Variants in PELI2 observed in about 807,000 individuals in gnomAD.
The protein encoded by PELI2 is E3 ubiquitin-protein ligase pellino homolog 2.
In PELI2, 23 loss-of-function variants were observed where a neutral mutation model predicts 42.3. The observed-to-expected ratio is 0.54, with a 90% CI of 0.39 to 0.77. The LOEUF (loss-of-function observed/expected upper bound fraction) is 0.77. PELI2 is among the 30% of genes least tolerant of loss of function. The pLI is 0.00. For synonymous variants in PELI2, 245 were observed against 212.2 expected (o/e 1.15, Z -1.34); for missense variants, 463 against 553.2 (o/e 0.84, Z 1.64).
intron 2 of PELI2, among the ~76,000 whole-genome samples, chr14:56,271,400 C>T (rs2139855741): frequency 6.6e-6 from 1 of 152,266 alleles, no homozygotes; most frequent in East Asian, 1.9e-4. Flanking sequence ...CAGCAATACA[C>T]CTTGACATAG....
chr14:56,199,629 G>T (rs775389333), intron 2 of PELI2, among the ~76,000 whole-genome samples: 8 of 152,158 alleles, frequency 5.3e-5, no homozygotes, highest in Non-Finnish European at 8.8e-5. Flanking sequence ...AAAACCCCCT[G>T]ATAATTCAGT....
At chr14:56,231,587 T>G (rs1379277592) in intron 2 of PELI2, among the ~76,000 whole-genome samples, 2 of 152,202 alleles carry the variant, frequency 1.3e-5, no homozygotes, top group African/African-American at 4.8e-5. Context: ...CATACCAGAA[T>G]CTCTGGGACA....
At chr14:56,207,602 A>G (rs1158182778) in intron 2 of PELI2, among the ~76,000 whole-genome samples, 1 of 152,220 alleles carries the variant, frequency 6.6e-6, no homozygotes, top group East Asian at 1.9e-4. Flanking sequence ...ATAAAGCACA[A>G]TTCAGCTTTA....
intron 2 of PELI2, among the ~76,000 whole-genome samples, chr14:56,252,413 T>A (rs2139817302): frequency 6.6e-6 from 1 of 152,294 alleles, no homozygotes; most frequent in Middle Eastern, 3.4e-3. Flanking sequence ...TTGAAAGAAG[T>A]CTTAGAAAAT....
intron 2 of PELI2, among the ~76,000 whole-genome samples, chr14:56,244,835 TAGAC>T (rs1888095753): frequency 6.6e-6 from 1 of 152,254 alleles, no homozygotes; most frequent in Non-Finnish European, 1.5e-5. Context: ...TCAGTTGGCT[TAGAC>T]AGATGGCATA....
In PELI2 at chr14:56,288,879, G is replaced by A. The variant is rs1400269572; in HGVS notation, c.507+245G>A. On this transcript the variant is annotated intron_variant, in intron 4 of 5. Coordinates refer to ENST00000267460, the MANE Select transcript of PELI2 (RefSeq NM_021255.3). The surrounding 1 kb of genome is among the most constrained non-coding windows in gnomAD (Gnocchi z 4.6). ...ACAGTAAGTACTTTTTTTAAAGTATGCCTATAACATTGTCCATAATGTATT... is the reference window on the plus strand; with the variant it reads ...ACAGTAAGTACTTTTTTTAAAGTATACCTATAACATTGTCCATAATGTATT... 6.6e-6 allele frequency among the ~76,000 whole-genome samples: 1 copy of A among 152,038 alleles called. No homozygotes were observed.
chr14:56,171,362 A>G (rs904023409), intron 1 of PELI2, among the ~76,000 whole-genome samples: 3 of 152,224 alleles, frequency 2.0e-5, no homozygotes, highest in African/African-American at 7.2e-5. Flanking sequence ...GGGATGAAAC[A>G]TCTAGGGAGG....
At chr14:56,119,731 G>C (rs1177453278) in intron 1 of PELI2, 2 of 970,914 alleles carry the variant, frequency 2.1e-6, no homozygotes, top group South Asian at 4.8e-5. Context: ...AGGAAACTGG[G>C]GGGAAGGAAC....
chr14:56,120,632 G>C (rs1363820306), intron 1 of PELI2, among the ~76,000 whole-genome samples: 1 of 152,208 alleles, frequency 6.6e-6, no homozygotes, highest in Non-Finnish European at 1.5e-5. Flanking sequence ...CTGTGCCTGT[G>C]CTGTTTAGGC....
intron 1 of PELI2, among the ~76,000 whole-genome samples, chr14:56,154,671 C>T (rs932119991): frequency 1.3e-5 from 2 of 152,202 alleles, no homozygotes; most frequent in African/African-American, 4.8e-5. Context: ...TACAGACATT[C>T]ATGTTTACAT....
chr14:56,173,395 G>GT (rs201767242), intron 1 of PELI2, among the ~76,000 whole-genome samples: 101 of 147,346 alleles, frequency 6.9e-4, no homozygotes, highest in South Asian at 1.3e-3. Flanking sequence ...TTTTTGTAAG[G>GT]TTTTTTTTTT....
intron 2 of PELI2, among the ~76,000 whole-genome samples, chr14:56,194,927 A>C (rs140527247): frequency 0.012 from 1,897 of 152,304 alleles, 30 homozygotes; most frequent in African/African-American, 0.04. Context: ...GATGCTTTGG[A>C]TTCAAGAGCC....
intron 5 of PELI2, among the ~76,000 whole-genome samples, chr14:56,290,671 A>G (rs1889800417): frequency 6.6e-6 from 1 of 152,112 alleles, no homozygotes; most frequent in Non-Finnish European, 1.5e-5. Flanking sequence ...GTGGGAGTAA[A>G]TTGTGTTTTG....
chr14:56,222,326 A>G (rs1205080083), intron 2 of PELI2, among the ~76,000 whole-genome samples: 1 of 152,210 alleles, frequency 6.6e-6, no homozygotes, highest in Non-Finnish European at 1.5e-5. Context: ...AAGTGGGAAC[A>G]ACTTAGTTCC....
At chr14:56,220,947 C>G (rs974429349) in intron 2 of PELI2, among the ~76,000 whole-genome samples, 1 of 152,332 alleles carries the variant, frequency 6.6e-6, no homozygotes, top group East Asian at 1.9e-4. Context: ...TCTGTCCTTT[C>G]AGCAGTGCTG....
At chr14:56,181,745 C>G (rs150261194) in intron 2 of PELI2, among the ~76,000 whole-genome samples, 3 of 152,002 alleles carry the variant, frequency 2.0e-5, no homozygotes, top group Non-Finnish European at 2.9e-5. Context: ...ATGGCAAGTG[C>G]GTGCTACTGT....
At chr14:56,290,134 G>A (rs1889779365) in intron 4 of PELI2, 134 bp from the exon 5 acceptor site, 3 of 626,464 alleles carry the variant, frequency 4.8e-6, no homozygotes, top group Non-Finnish European at 5.4e-6. Context: ...GTGATTATTA[G>A]CTTTAAATAG....
At chr14:56,125,916 C>T (rs1015604403) in intron 1 of PELI2, among the ~76,000 whole-genome samples, 2 of 152,118 alleles carry the variant, frequency 1.3e-5, no homozygotes, top group Non-Finnish European at 1.5e-5. Context: ...TTTGCCACCC[C>T]ACATGGAGAT....
intron 2 of PELI2, among the ~76,000 whole-genome samples, chr14:56,195,684 C>G (rs1886105540): frequency 6.6e-6 from 1 of 152,244 alleles, no homozygotes; most frequent in African/African-American, 2.4e-5. Flanking sequence ...CTGCAAACCC[C>G]TCATCCGGAG....
Sources: allele counts gnomAD v4.1 joint callset (sites outside exome capture counted in the v4.1 genomes callset), GRCh38; gene constraint gnomAD v4.1.1; non-coding constraint Gnocchi (gnomAD v3.1); transcripts MANE v1.5; gene names NCBI Gene and HGNC (gene_info 2026-07-23, HGNC 2026-07-21).